Variants in SPTBN1 observed in about 807,000 individuals in gnomAD.
SPTBN1 encodes the protein spectrin beta chain, non-erythrocytic 1.
SPTBN1 carries 32 observed loss-of-function variants against 266.4 expected under a neutral mutation model. The observed-to-expected ratio is 0.12, with a 90% CI of 0.09 to 0.16. The LOEUF (loss-of-function observed/expected upper bound fraction) is 0.16, where lower values mean the gene tolerates loss of function less well. Ranked by LOEUF, SPTBN1 falls within the 10% of genes least tolerant of loss-of-function variation. SPTBN1 has a pLI of 1.00. For synonymous variants in SPTBN1, 1,336 were observed against 1,162.2 expected (o/e 1.15, Z -3.04); for missense variants, 2,296 against 3,067.1 (o/e 0.75, Z 5.94).
chr2:54,669,981 T>C lies in SPTBN1; in HGVS notation c.*1412T>C, dbSNP rs1359372362. ...TGTAAAGGGACAGAGATAGTAAATA[T>C]TTTAGGCTTTGTAGGCCGTAACTGT... On this transcript the variant is annotated 3_prime_UTR_variant, in exon 36 of 36. Transcript: ENST00000356805. 6.6e-6 allele frequency: 1 copy of C among 152,208 alleles called. No homozygotes were observed. The highest frequency in any genetic ancestry group is 1.5e-5 in the Non-Finnish European group (1 of 68,042). 9.4% of individuals were successfully genotyped at this position (152,208 alleles called of 1,614,324 possible).
At chr2:54,522,724 GA>G (rs1321041629) in intron 1 of SPTBN1, among the ~76,000 whole-genome samples, 3 of 147,294 alleles carry the variant, frequency 2.0e-5, no homozygotes, top group Non-Finnish European at 4.5e-5. Flanking sequence ...AAGAAAGAAA[GA>G]AAGAAAGAAA....
intron 1 of SPTBN1, among the ~76,000 whole-genome samples, chr2:54,524,741 T>G (rs1161205605): frequency 1.3e-5 from 2 of 152,212 alleles, no homozygotes; most frequent in African/African-American, 4.8e-5. Flanking sequence ...TAACCTTGTC[T>G]CCGAGTCTCT....
chr2:54,480,901 C>G (rs551903633), intron 1 of SPTBN1, among the ~76,000 whole-genome samples: 12 of 152,056 alleles, frequency 7.9e-5, no homozygotes, highest in Non-Finnish European at 1.8e-4. Flanking sequence ...TAGGAGTTCT[C>G]GGTTTTATAA....
At chr2:54,660,918 C>G (rs1680997412) in intron 32 of SPTBN1, 1 of 985,338 alleles carries the variant, frequency 1.0e-6, no homozygotes, top group Non-Finnish European at 1.2e-6. Flanking sequence ...CCATGCCTCT[C>G]CATTCAGCCG....
At chr2:54,656,052 C>A in intron 29 of SPTBN1, 54 bp downstream of exon 29, 2 of 1,452,634 alleles carry the variant, frequency 1.4e-6, no homozygotes, top group South Asian at 1.2e-5. Flanking sequence ...AAAACATGCA[C>A]GTTTATTTTC....
In SPTBN1 at chr2:54,653,653, T is replaced by C; in HGVS notation, c.5622T>C (p.Tyr1874=). 6.2e-7 allele frequency: 1 copy of C among 1,614,088 alleles called. No homozygotes were observed. Among genetic ancestry groups the C allele is most frequent in the South Asian group, 1.1e-5 (1 of 91,090 alleles). The change falls in exon 27 of 36, where the codon TAT becomes TAC. Residue 1874 remains tyrosine (Y), a synonymous_variant. Transcript: ENST00000356805. The surrounding 1 kb of genome is among the most constrained non-coding windows in gnomAD (Gnocchi z 5.1). The part of the protein sequence containing the change: ...QEDAARLQAA[Y]AGDKADDIQK... ...ATGCAGCCCGCCTCCAGGCGGCCTA[T>C]GCGGGTGACAAGGCCGACGATATCC...
intron 18 of SPTBN1, among the ~76,000 whole-genome samples, chr2:54,639,443 G>T (rs1158185737): frequency 6.6e-6 from 1 of 152,184 alleles, no homozygotes. Flanking sequence ...TAAAGGGCAA[G>T]TTAGTAAGAT....
At chr2:54,550,446 C>CT (rs1010157105) in intron 2 of SPTBN1, among the ~76,000 whole-genome samples, 7 of 152,202 alleles carry the variant, frequency 4.6e-5, no homozygotes, top group Admixed American at 1.3e-4. Context: ...ATCTCTGCAA[C>CT]TGGGTAATCG....
chr2:54,611,594 C>T lies in SPTBN1; in HGVS notation c.301-567C>T, dbSNP rs191084014. Reference sequence around the variant, plus strand: ...CATTTGGGGTATTTAAATTGCACTACACTCATTTTTTTCCCTTTTCCCCTT... The same window carrying T: ...CATTTGGGGTATTTAAATTGCACTATACTCATTTTTTTCCCTTTTCCCCTT... On this transcript the variant is annotated intron_variant, in intron 3 of 35. Coordinates refer to ENST00000356805, the MANE Select transcript of SPTBN1 (RefSeq NM_003128.3). Among the ~76,000 whole-genome samples the T allele has an allele frequency of 2.1e-3, 313 of 152,198 alleles. 1 individual carries two copies. Among genetic ancestry groups the T allele is most frequent in the African/African-American group, 7.2e-3 (298 of 41,516 alleles).
chr2:54,544,980 T>A (rs1672155382), intron 2 of SPTBN1, among the ~76,000 whole-genome samples: 1 of 152,134 alleles, frequency 6.6e-6, no homozygotes, highest in Non-Finnish European at 1.5e-5. Context: ...CCTGTGTGCA[T>A]GTGTTCTCAT....
chr2:54,668,705 A>C lies in SPTBN1; in HGVS notation c.*136A>C. 9.1e-5 allele frequency: 46 copies of C among 504,984 alleles called. No homozygotes were observed. The highest frequency in any genetic ancestry group is 1.2e-4 in the Non-Finnish European group (37 of 313,416). 31.3% of individuals were successfully genotyped at this position (504,984 alleles called of 1,614,324 possible). A position where few individuals can be genotyped will look rare whatever the true frequency, so the allele number is the denominator to read the frequency against. On this transcript the variant is annotated 3_prime_UTR_variant, in exon 36 of 36. Coordinates refer to ENST00000356805, the MANE Select transcript of SPTBN1 (RefSeq NM_003128.3). ...ATTTTTTTTTTTTTTTAATTTATAG[A>C]GCATTTCGGGGGGGGTGGGGGAAAC...
In SPTBN1 at chr2:54,653,628, A is replaced by G. The variant is rs1419034338; in HGVS notation, c.5597A>G (p.Asp1866Gly). ...TCACAGGTGAGGCAGCTGCAGGAGGATGCAGCCCGCCTCCAGGCGGCCTAT... is the reference window on the plus strand; with the variant it reads ...TCACAGGTGAGGCAGCTGCAGGAGGGTGCAGCCCGCCTCCAGGCGGCCTAT... ...LGTQVRQLQEDAARLQAAYAG... is the reference protein window; with the variant it reads ...LGTQVRQLQEGAARLQAAYAG... Residue 1866 changes from aspartate (D) to glycine (G), a missense_variant, in exon 27 of 36, where the codon GAT (aspartate) becomes GGT (glycine). Coordinates refer to ENST00000356805, the MANE Select transcript of SPTBN1 (RefSeq NM_003128.3). The surrounding 1 kb of genome is among the most constrained non-coding windows in gnomAD (Gnocchi z 5.1). The G allele has an allele frequency of 1.2e-6, 2 of 1,613,526 alleles. No individual in the cohort carries two copies. The highest frequency in any genetic ancestry group is 3.3e-5 in the Admixed American group (2 of 59,932).
rs1386526207 is a variant in SPTBN1, at chr2:54,626,117, C to T, written c.1527C>T (p.Leu509=). The change falls in exon 12 of 36, where the codon CTC becomes CTT. Residue 509 remains leucine (L), a synonymous_variant. Coordinates refer to ENST00000356805, the MANE Select transcript of SPTBN1 (RefSeq NM_003128.3). This position sits in a 1 kb window ranked among gnomAD's most constrained non-coding sequence, Gnocchi z 4.7. ...ITARKDNVIR[L]WEYLLELLRA... is the part of the protein sequence containing the mutation. ...CGAGGAAGGACAATGTCATCCGGCT[C>T]TGGGAATACCTACTGGAACTGCTCA... 3 of 1,614,208 alleles carry T rather than the reference C, an allele frequency of 1.9e-6. No homozygotes were observed. In the African/African-American group the frequency reaches 4.0e-5, roughly 22 times the overall value.
chr2:54,601,106 A>G (rs908726804), intron 3 of SPTBN1, among the ~76,000 whole-genome samples: 14 of 152,176 alleles, frequency 9.2e-5, no homozygotes, highest in African/African-American at 3.4e-4. Flanking sequence ...GTGGCAACCC[A>G]GAGACCTAGG....
At chr2:54,608,508 T>C (rs1482673346) in intron 3 of SPTBN1, among the ~76,000 whole-genome samples, 1 of 152,126 alleles carries the variant, frequency 6.6e-6, no homozygotes, top group East Asian at 1.9e-4. Context: ...TTCTTCTACA[T>C]GTGGATGTGT....
intron 2 of SPTBN1, among the ~76,000 whole-genome samples, chr2:54,548,129 C>T (rs1347735117): frequency 2.0e-5 from 3 of 152,068 alleles, no homozygotes; most frequent in African/African-American, 4.8e-5. Context: ...GGCAACAGAG[C>T]GAGGCTCCAT....
intron 1 of SPTBN1, among the ~76,000 whole-genome samples, chr2:54,461,592 G>A (rs1448893172): frequency 2.6e-5 from 4 of 152,194 alleles, no homozygotes; most frequent in Admixed American, 2.6e-4. Flanking sequence ...CAGTTCCAAA[G>A]CCTTGCCAGT....
At chr2:54,648,066 C>T (rs988657977) in intron 24 of SPTBN1, among the ~76,000 whole-genome samples, 2 of 152,194 alleles carry the variant, frequency 1.3e-5, no homozygotes, top group African/African-American at 4.8e-5. Flanking sequence ...ATTAGAACAC[C>T]TTCGAGGAAA....
At chr2:54,474,004 C>T (rs1240618362) in intron 1 of SPTBN1, among the ~76,000 whole-genome samples, 10 of 152,276 alleles carry the variant, frequency 6.6e-5, no homozygotes, top group Admixed American at 2.0e-4. Flanking sequence ...GCTCCTTCTG[C>T]AGTGTGAAGG....
Sources: gnomAD v4.1 joint callset for allele counts (sites outside exome capture counted in the v4.1 genomes callset) on GRCh38, gnomAD v4.1.1 for gene constraint, Gnocchi (gnomAD v3.1) non-coding constraint, MANE v1.5 for transcripts, NCBI Gene and HGNC (gene_info 2026-07-23, HGNC 2026-07-21) for gene names.